The following CEACAM1 variants were observed in gnomAD, a reference collection of about 807,000 sequenced individuals.
CEACAM1 encodes CEA cell adhesion molecule 1, also known as cell adhesion molecule CEACAM1.
Under a neutral mutation model 49.1 loss-of-function variants are expected in CEACAM1, and 31 were observed. The ratio of observed to expected loss-of-function variants is 0.63; its 90% CI spans 0.47 to 0.85. CEACAM1 has a LOEUF of 0.85. CEACAM1 is among the 40% of genes least tolerant of loss of function. The pLI, the probability that CEACAM1 is intolerant of heterozygous loss-of-function variation, is 0.00. For missense variants in CEACAM1, 570 were observed against 645.3 expected, an observed-to-expected ratio of 0.88 and a Z score of 1.26; for synonymous variants, 244 against 247.8, an observed-to-expected ratio of 0.98 and a Z score of 0.14.
At position 42,508,898 on chromosome 19, in the gene CEACAM1, G is replaced by C; in HGVS notation, c.*211C>G. ...CCAAATTTCAATGACAAGAAGGTTG[G>C]GTTTCCTACAGACTCCCAATGTACT... On this transcript the variant is annotated 3_prime_UTR_variant, in exon 9 of 9. Transcript: ENST00000161559. The C allele has an allele frequency of 2.0e-6, 1 of 507,804 alleles. No homozygotes were observed. 31.5% of individuals were successfully genotyped at this position (507,804 alleles called of 1,614,324 possible).
At chr19:42,527,875 T>G in intron 1 of CEACAM1, 1 of 203,172 alleles carries the variant, frequency 4.9e-6, no homozygotes, top group Non-Finnish European at 9.9e-6. Flanking sequence ...GTGATGTTGG[T>G]TGCACCCCAG....
At position 42,510,788 on chromosome 19, in the gene CEACAM1, T is replaced by G. The variant is rs368550243; in HGVS notation, c.1461+101A>C. ...GTCTTTGTTGTTGCACTGAGGAACA[T>G]TAACCCAAACTTGATGTTACATTGT... On this transcript the variant is annotated intron_variant, in intron 8 of 8. Transcript: ENST00000161559. The G allele has an allele frequency of 2.8e-5, 32 of 1,130,506 alleles. No individual in the cohort carries two copies. In the African/African-American group the frequency reaches 4.6e-4, roughly 16 times the overall value. The allele number at this position is 1,130,506 out of a possible 1,614,324, so 70.0% of individuals were successfully genotyped here. A position where few individuals can be genotyped will look rare whatever the true frequency, so the allele number is the denominator to read the frequency against.
In CEACAM1 at chr19:42,516,921, AAAAC is replaced by A. The variant is rs370487034; in HGVS notation, c.1246+2023_1246+2026del. 1.0e-3 allele frequency: 399 copies of A among 398,914 alleles called. 4 individuals carry two copies. Among genetic ancestry groups the A allele is most frequent in the South Asian group, 3.6e-3 (202 of 55,654 alleles). 24.7% of individuals were successfully genotyped at this position (398,914 alleles called of 1,614,324 possible). On this transcript the variant is annotated intron_variant, in intron 5 of 8. Transcript: ENST00000161559. ...ACAAAAAAACCCAAACAACAACAAT[AAAAC>A]AAACAAACAAAATCCAAAAGCTACA... is the stretch of plus-strand genomic sequence containing the variant.
chr19:42,511,158 T>A (rs1485370248), intron 7 of CEACAM1: 1 of 586,572 alleles, frequency 1.7e-6, no homozygotes, highest in African/African-American at 1.9e-5. Context: ...AAGGCCTTGA[T>A]TTTTGCCCAG....
chr19:42,526,959 G>A, intron 2 of CEACAM1, 82 bp downstream of exon 2: 3 of 1,559,788 alleles, frequency 1.9e-6, no homozygotes, highest in Non-Finnish European at 2.6e-6. Context: ...GGAGGACACA[G>A]GCACAGCCCA....
At position 42,519,570 on chromosome 19, in the gene CEACAM1, CTTT is replaced by C. The variant is rs34440555; in HGVS notation, c.959-338_959-336del. On this transcript the variant is annotated intron_variant, in intron 4 of 8. Coordinates refer to ENST00000161559, the MANE Select transcript of CEACAM1 (RefSeq NM_001712.5). ...TCAGGTAGAATGTTTTTCCCACTGA[CTTT>C]TTTTTTTTTTTTTTCAGACGGAGTC... 1.4e-3 allele frequency: 228 copies of C among 168,458 alleles called. 1 individual carries two copies. The highest frequency in any genetic ancestry group is 2.1e-3 in the African/African-American group (80 of 38,110). The allele number at this position is 168,458 out of a possible 1,614,324, so 10.4% of individuals were successfully genotyped here. A position where few individuals can be genotyped will look rare whatever the true frequency, so the allele number is the denominator to read the frequency against.
rs1400078742 is a variant in CEACAM1 at position 42,527,292 on chromosome 19, A to G, written c.173T>C (p.Leu58Pro). ...GCTGTAGCCAAAAAGTTGCTGGGGC[A>G]GATTGTGGACAAGGAGAAGAACCTC... ...GKEVLLLVHN[L>P]PQQLFGYSWY... The change falls in exon 2 of 9, where the codon CTG (leucine) becomes CCG (proline). Residue 58 changes from leucine (L) to proline (P), a missense_variant. Physicochemically the swap from Leu to Pro is moderately conservative, Grantham distance 98. Coordinates refer to ENST00000161559, the MANE Select transcript of CEACAM1 (RefSeq NM_001712.5). 3 of 1,614,070 alleles carry G rather than the reference A, an allele frequency of 1.9e-6. No homozygotes were observed. In the South Asian group the frequency reaches 3.3e-5, roughly 18 times the overall value.
intron 5 of CEACAM1, among the ~76,000 whole-genome samples, chr19:42,516,130 G>A (rs917363551): frequency 6.6e-6 from 1 of 152,100 alleles, no homozygotes; most frequent in African/African-American, 2.4e-5. Flanking sequence ...AGACAAGGAT[G>A]CCTGCTTTTG....
chr19:42,512,240 G>A, intron 6 of CEACAM1, 110 bp downstream of exon 6: 3 of 1,273,166 alleles, frequency 2.4e-6, no homozygotes, highest in Non-Finnish European at 2.2e-6. Flanking sequence ...CAGGAGTTTA[G>A]TGGGAGGAGT....
At position 42,509,331 on chromosome 19, in the gene CEACAM1, T is replaced by A. The variant is rs1257869976; in HGVS notation, c.1462-103A>T. On this transcript the variant is annotated intron_variant, in intron 8 of 8. Coordinates refer to ENST00000161559, the MANE Select transcript of CEACAM1 (RefSeq NM_001712.5). Reference sequence around the variant, plus strand: ...ACAAGCTGTTACCATTTTGAAATTTTAGCTCTGGAGAAGGGCTTTTGTTGT... The same window carrying A: ...ACAAGCTGTTACCATTTTGAAATTTAAGCTCTGGAGAAGGGCTTTTGTTGT... 17 of 1,389,502 alleles carry A rather than the reference T, an allele frequency of 1.2e-5. No individual in the cohort carries two copies. The East Asian group carries it at 1.6e-4, about 13-fold the overall frequency. The allele number at this position is 1,389,502 out of a possible 1,614,324, so 86.1% of individuals were successfully genotyped here. A position where few individuals can be genotyped will look rare whatever the true frequency, so the allele number is the denominator to read the frequency against.
Position 42,527,035 on chromosome 19 carries a change from A to C in CEACAM1, c.424+6T>G. 1.9e-6 allele frequency: 3 copies of C among 1,588,908 alleles called. No homozygotes were observed. Among genetic ancestry groups the C allele is most frequent in the Non-Finnish European group, 2.6e-6 (3 of 1,167,994 alleles). Reference sequence around the variant, plus strand: ...CAACACCCAGAGGTCATGGGGAAATACTCACGGTATACATGGAACTGTCCA... The same window carrying C: ...CAACACCCAGAGGTCATGGGGAAATCCTCACGGTATACATGGAACTGTCCA... On this transcript the variant is annotated splice_donor_region_variant and intron_variant, in intron 2 of 8. Transcript: ENST00000161559.
intron 7 of CEACAM1, 135 bp from the exon 8 acceptor site, chr19:42,511,055 A>G (rs911275456): frequency 7.6e-6 from 6 of 788,276 alleles, no homozygotes; most frequent in African/African-American, 1.7e-5. Context: ...CTCAGAGTGT[A>G]TGGTCCAGAC....
intron 5 of CEACAM1, 31 bp from the exon 6 acceptor site, chr19:42,512,510 G>GA: frequency 6.2e-7 from 1 of 1,603,984 alleles, no homozygotes; most frequent in Non-Finnish European, 8.5e-7. Context: ...GAGAAGAAAT[G>GA]AAAGTGAAAT....
intron 4 of CEACAM1, chr19:42,520,966 T>A (rs2041729679): frequency 2.7e-6 from 1 of 374,944 alleles, no homozygotes; most frequent in East Asian, 4.5e-5. Flanking sequence ...AGAAGCAAAT[T>A]GACCTTGAGG....
rs2041446325 is a variant in CEACAM1 at position 42,511,140 on chromosome 19, C to G, written c.1430-220G>C. The G allele has an allele frequency of 6.7e-6, 4 of 599,658 alleles. No individual in the cohort carries two copies. In the Admixed American group the frequency reaches 1.2e-4, roughly 18 times the overall value. The allele number at this position is 599,658 out of a possible 1,614,324, so 37.1% of individuals were successfully genotyped here. ...ACAATCCACTTGTGAAGAGTTCTAC[C>G]AGTTCACAAGGCCTTGATTTTTGCC... On this transcript the variant is annotated intron_variant, in intron 7 of 8. Coordinates refer to ENST00000161559, the MANE Select transcript of CEACAM1 (RefSeq NM_001712.5).
chr19:42,512,465 G>A lies in CEACAM1; in HGVS notation c.1261C>T (p.Gln421Ter), dbSNP rs1320147205. Residue 421 changes from glutamine to a stop codon, truncating the protein, a stop_gained, in exon 6 of 9, where the codon CAA becomes TAA. Coordinates refer to ENST00000161559, the MANE Select transcript of CEACAM1 (RefSeq NM_001712.5). LOFTEE classifies it high-confidence loss of function. ...MLNVNYNALP[Q>*]ENGLSPGAIA... ...GCCCCAGGTGAGAGGCCATTTTCTT[G>A]TGGTAGAGCATTATCTGTCATGGAG... 3 of 1,614,056 alleles carry A rather than the reference G, an allele frequency of 1.9e-6. No individual in the cohort carries two copies. In the Admixed American group the frequency reaches 5.0e-5, roughly 27 times the overall value.
At chr19:42,528,251 G>A in intron 1 of CEACAM1, 60 bp downstream of exon 1, 3 of 1,477,128 alleles carry the variant, frequency 2.0e-6, no homozygotes, top group South Asian at 1.2e-5. Flanking sequence ...CTCCCCAGAG[G>A]ACCCTAGCCA....
Position 42,521,388 on chromosome 19 carries a change from T to G in CEACAM1, c.837A>C (p.Gln279His), listed in dbSNP as rs760674584. Residue 279 changes from glutamine to histidine, a missense_variant, in exon 4 of 9, where the codon CAA becomes CAC. Gln to His is a conservative substitution (Grantham distance 24). Transcript: ENST00000161559. ...YSWLINGTFQ[Q>H]STQELFIPNI... is the part of the protein sequence containing the mutation. ...TAGGGATAAAGAGCTCTTGTGTGCTTTGCTGGAATGTTCCATTGATAAGCC... is the reference window on the plus strand; with the variant it reads ...TAGGGATAAAGAGCTCTTGTGTGCTGTGCTGGAATGTTCCATTGATAAGCC... The G allele has an allele frequency of 1.2e-6, 2 of 1,614,224 alleles. No homozygotes were observed. Among genetic ancestry groups the G allele is most frequent in the Non-Finnish European group, 1.7e-6 (2 of 1,180,042 alleles).
At chr19:42,526,149 C>T (rs144090431) in intron 2 of CEACAM1, among the ~76,000 whole-genome samples, 1 of 151,900 alleles carries the variant, frequency 6.6e-6, no homozygotes, top group African/African-American at 2.4e-5. Flanking sequence ...GTAGAGACGG[C>T]ATTTCACCAT....
Sources: gnomAD v4.1 joint callset for allele counts (sites outside exome capture counted in the v4.1 genomes callset) on GRCh38, gnomAD v4.1.1 for gene constraint, MANE v1.5 for transcripts, NCBI Gene and HGNC (gene_info 2026-07-23, HGNC 2026-07-21) for gene names.